The following MACROD2 variants were observed in gnomAD, a reference collection of about 807,000 sequenced individuals.
MACROD2 encodes the protein mono-ADP ribosylhydrolase 2, also known as ADP-ribose glycohydrolase MACROD2.
MACROD2 carries 36 observed loss-of-function variants against 70.4 expected under a neutral mutation model. That is an observed-to-expected ratio of 0.51 (90% CI 0.39 to 0.68). The LOEUF (loss-of-function observed/expected upper bound fraction) is 0.68. Among genes scored for constraint, MACROD2 ranks in the 30% least tolerant of loss-of-function variants. The pLI is 0.00. For synonymous variants in MACROD2, 172 were observed against 178.8 expected, an observed-to-expected ratio of 0.96 and a Z score of 0.30; for missense variants, 496 against 538.4, an observed-to-expected ratio of 0.92 and a Z score of 0.78.
At chr20:15,057,659 A>G (rs1342251450) in intron 5 of MACROD2, among the ~76,000 whole-genome samples, 1 of 152,204 alleles carries the variant, frequency 6.6e-6, no homozygotes, top group Non-Finnish European at 1.5e-5. Context: ...CAGCTAGGCC[A>G]TGACATCCCA....
intron 10 of MACROD2, among the ~76,000 whole-genome samples, chr20:15,923,645 G>T (rs765213956): frequency 1.3e-5 from 2 of 151,898 alleles, no homozygotes; most frequent in Admixed American, 1.3e-4. Context: ...AGCCCTTCAA[G>T]GGCCTCTAAT....
chr20:15,468,517 G>GTCACTCC (rs2046924479), intron 7 of MACROD2, among the ~76,000 whole-genome samples: 1 of 151,834 alleles, frequency 6.6e-6, no homozygotes, highest in Non-Finnish European at 1.5e-5. Flanking sequence ...TTTGACTCAA[G>GTCACTCC]AAAAAAAACA....
At chr20:15,993,439 C>T (rs1257346742) in intron 15 of MACROD2, among the ~76,000 whole-genome samples, 1 of 151,946 alleles carries the variant, frequency 6.6e-6, no homozygotes, top group African/African-American at 2.4e-5. Flanking sequence ...CTACAGTCTT[C>T]AGCACAGTAA....
chr20:15,379,872 CAT>C (rs2045617283), intron 6 of MACROD2, among the ~76,000 whole-genome samples: 1 of 152,186 alleles, frequency 6.6e-6, no homozygotes, highest in Admixed American at 6.5e-5. Context: ...TCCCATGACA[CAT>C]AGAATAAAGT....
intron 4 of MACROD2, among the ~76,000 whole-genome samples, chr20:14,614,452 C>T (rs1983358491): frequency 6.6e-6 from 1 of 152,018 alleles, no homozygotes; most frequent in Non-Finnish European, 1.5e-5. Context: ...AAATTGGGAG[C>T]AATTATTGAA....
At chr20:15,914,433 G>C (rs913387342) in intron 10 of MACROD2, among the ~76,000 whole-genome samples, 1 of 152,166 alleles carries the variant, frequency 6.6e-6, no homozygotes, top group Non-Finnish European at 1.5e-5. Context: ...AACCTCGCAT[G>C]ATCAGTGGGA....
At chr20:14,417,107 A>C (rs1468693786) in intron 3 of MACROD2, among the ~76,000 whole-genome samples, 1 of 144,568 alleles carries the variant, frequency 6.9e-6, no homozygotes, top group South Asian at 2.1e-4. Context: ...CTATCTATCT[A>C]TCTCTGCAAG....
chr20:15,025,889 A>G (rs540038858), intron 5 of MACROD2, among the ~76,000 whole-genome samples: 2 of 152,282 alleles, frequency 1.3e-5, no homozygotes, highest in South Asian at 4.2e-4. Context: ...ATATATGGTA[A>G]TGCATTAGTG....
chr20:14,318,176 C>G (rs1380417340), intron 3 of MACROD2, among the ~76,000 whole-genome samples: 1 of 152,082 alleles, frequency 6.6e-6, no homozygotes, highest in East Asian at 1.9e-4. Context: ...ATTATCAGAG[C>G]CCCCAACATA....
intron 5 of MACROD2, among the ~76,000 whole-genome samples, chr20:14,785,670 A>G (rs2072361119): frequency 6.6e-6 from 1 of 152,094 alleles, no homozygotes; most frequent in South Asian, 2.1e-4. Context: ...AAGTCAACGT[A>G]GTATTATTTT....
intron 2 of MACROD2, among the ~76,000 whole-genome samples, chr20:14,063,637 G>C (rs957147005): frequency 3.9e-5 from 6 of 152,304 alleles, no homozygotes; most frequent in Middle Eastern, 3.4e-3. Context: ...TGAAACAAAT[G>C]AATTTTGTGT....
rs540905591 is a variant in MACROD2 at position 14,294,564 on chromosome 20, C to T, written c.272-198915C>T. 1.7e-4 allele frequency among the ~76,000 whole-genome samples: 26 copies of T among 151,734 alleles called. 2 individuals carry two copies. Among genetic ancestry groups the T allele is most frequent in the African/African-American group, 6.3e-4 (26 of 41,196 alleles). On this transcript the variant is annotated intron_variant, in intron 3 of 17. Coordinates refer to ENST00000684519, the MANE Select transcript of MACROD2 (RefSeq NM_001351661.2). ...ACATTTTTGATACATTAATAGGAAG[C>T]TTGCCAGAAGCCCAAAGGAGCTTGA... is the stretch of plus-strand genomic sequence containing the variant.
chr20:15,293,846 A>C (rs929245826), intron 6 of MACROD2, among the ~76,000 whole-genome samples: 1 of 152,194 alleles, frequency 6.6e-6, no homozygotes, highest in Non-Finnish European at 1.5e-5. Context: ...GGCCAGGCGC[A>C]GTGGCTCATG....
chr20:16,022,143 C>T (rs564232501), intron 15 of MACROD2, among the ~76,000 whole-genome samples: 17 of 150,632 alleles, frequency 1.1e-4, no homozygotes, highest in African/African-American at 3.2e-4. Context: ...CTCTGCCTCC[C>T]GGGTTCATGC....
At chr20:15,045,649 A>G (rs2075387345) in intron 5 of MACROD2, among the ~76,000 whole-genome samples, 1 of 148,940 alleles carries the variant, frequency 6.7e-6, no homozygotes, top group East Asian at 2.0e-4. Context: ...GGCCACCATT[A>G]CCCATAGATT....
At chr20:14,284,191 G>A (rs972659999) in intron 3 of MACROD2, among the ~76,000 whole-genome samples, 2 of 152,188 alleles carry the variant, frequency 1.3e-5, no homozygotes, top group South Asian at 4.1e-4. Flanking sequence ...TACTGATCAG[G>A]ATAGGTAATG....
chr20:14,566,636 C>T (rs1453481006), intron 4 of MACROD2: 3 of 151,992 alleles, frequency 2.0e-5, no homozygotes, highest in Non-Finnish European at 4.4e-5. Flanking sequence ...CAATAATTTT[C>T]AGCTGATTCC....
chr20:14,367,331 T>C (rs1186172663), intron 3 of MACROD2, among the ~76,000 whole-genome samples: 1 of 152,226 alleles, frequency 6.6e-6, no homozygotes, highest in African/African-American at 2.4e-5. Flanking sequence ...ACAATAATAC[T>C]GGCTTTTATT....
intron 5 of MACROD2, among the ~76,000 whole-genome samples, chr20:14,870,617 T>C (rs2073476839): frequency 6.6e-6 from 1 of 152,066 alleles, no homozygotes; most frequent in Non-Finnish European, 1.5e-5. Flanking sequence ...TATTTTTTTT[T>C]TGACTTTTTA....
Sources: allele counts gnomAD v4.1 joint callset (sites outside exome capture counted in the v4.1 genomes callset), GRCh38; gene constraint gnomAD v4.1.1; transcripts MANE v1.5; gene names NCBI Gene and HGNC (gene_info 2026-07-23, HGNC 2026-07-21).